EPHA5: variants seen among roughly 807,000 people sequenced by gnomAD.
The protein encoded by EPHA5 is EPH receptor A5.
A neutral mutation model predicts 105.0 loss-of-function variants in EPHA5; 60 were observed. That is an observed-to-expected ratio of 0.57 (90% CI 0.46 to 0.71). The LOEUF is 0.71. EPHA5 is among the 30% of genes least tolerant of loss of function. The probability of loss-of-function intolerance (pLI) is 0.00; values close to 1 mark genes in which losing one functional copy is unlikely to be tolerated. For synonymous variants in EPHA5, 513 were observed against 449.1 expected, an observed-to-expected ratio of 1.14 and a Z score of -1.80; for missense variants, 1,218 against 1,274.7, an observed-to-expected ratio of 0.96 and a Z score of 0.68.
intron 5 of EPHA5, among the ~76,000 whole-genome samples, chr4:65,487,939 T>C (rs1293198629): frequency 1.3e-5 from 2 of 152,200 alleles, no homozygotes; most frequent in African/African-American, 4.8e-5. Flanking sequence ...ATAATTTTTG[T>C]GTAAAATAAG....
chr4:65,321,244 A>T lies in EPHA5; in HGVS notation c.*2870T>A, dbSNP rs1719616842. On this transcript the variant is annotated 3_prime_UTR_variant, in exon 17 of 17. Transcript: ENST00000613740. Reference sequence around the variant, plus strand: ...ATTATTTGCCAAATCTGTTGTATATACTAAAATTGTCATGTCTGTGCTTTA... The same window carrying T: ...ATTATTTGCCAAATCTGTTGTATATTCTAAAATTGTCATGTCTGTGCTTTA... 4.3e-6 allele frequency: 1 copy of T among 230,404 alleles called. No homozygotes were observed. The highest frequency in any genetic ancestry group is 2.2e-5 in the African/African-American group (1 of 45,150). The allele number at this position is 230,404 out of a possible 1,614,324, so 14.3% of individuals were successfully genotyped here.
intron 5 of EPHA5, among the ~76,000 whole-genome samples, chr4:65,471,175 T>A (rs957513443): frequency 7.2e-5 from 11 of 152,202 alleles, no homozygotes; most frequent in African/African-American, 2.4e-4. Context: ...TACACTCCTT[T>A]AAATTTAATT....
intron 8 of EPHA5, among the ~76,000 whole-genome samples, chr4:65,385,776 C>T (rs2122719): frequency 0.51 from 77,464 of 151,498 alleles, 19,959 homozygotes; most frequent in Admixed American, 0.57. Context: ...ATAAAATATT[C>T]GTAATTGTGA....
intron 16 of EPHA5, chr4:65,330,780 T>C: frequency 9.7e-7 from 1 of 1,025,830 alleles, no homozygotes; most frequent in Non-Finnish European, 1.2e-6. Flanking sequence ...TCCTTGAGTG[T>C]CCAAAGAAAT....
At chr4:65,611,957 C>A (rs185702480) in intron 2 of EPHA5, among the ~76,000 whole-genome samples, 154 of 133,592 alleles carry the variant, frequency 1.2e-3, no homozygotes, top group African/African-American at 4.1e-3. Flanking sequence ...GCGGAGTCTG[C>A]AGTGAGCCGA....
In EPHA5 at chr4:65,602,410, C is replaced by T. The variant is rs181732015; in HGVS notation, c.247-106G>A. Reference sequence around the variant, plus strand: ...AAACTAACTGAGATATAGAAATATTCGTATCCTCAATATGTGATATTTACA... The same window carrying T: ...AAACTAACTGAGATATAGAAATATTTGTATCCTCAATATGTGATATTTACA... On this transcript the variant is annotated intron_variant, in intron 2 of 16. Coordinates refer to ENST00000613740, the MANE Select transcript of EPHA5 (RefSeq NM_001281766.3). 130 of 844,120 alleles carry T rather than the reference C, an allele frequency of 1.5e-4. No homozygotes were observed. The South Asian group carries it at 1.6e-3, about 10-fold the overall frequency. The allele number at this position is 844,120 out of a possible 1,614,324, so 52.3% of individuals were successfully genotyped here.
At chr4:65,456,321 G>A (rs1237034631) in intron 5 of EPHA5, among the ~76,000 whole-genome samples, 5 of 135,622 alleles carry the variant, frequency 3.7e-5, no homozygotes, top group Non-Finnish European at 6.7e-5. Flanking sequence ...TCTGTTCTTC[G>A]ATTTTTTTTT....
chr4:65,530,917 A>G (rs1199673817), intron 3 of EPHA5, among the ~76,000 whole-genome samples: 1 of 152,244 alleles, frequency 6.6e-6, no homozygotes, highest in South Asian at 2.1e-4. Flanking sequence ...AGAGAATTCA[A>G]TGAGATATAA....
intron 16 of EPHA5, among the ~76,000 whole-genome samples, chr4:65,329,473 A>G (rs1037114867): frequency 2.0e-5 from 3 of 151,298 alleles, no homozygotes. Context: ...TTTTTTCTAA[A>G]CCCACTATGA....
At chr4:65,330,604 G>A (rs148662993) in intron 16 of EPHA5, 33 of 500,448 alleles carry the variant, frequency 6.6e-5, no homozygotes, top group Non-Finnish European at 8.2e-5. Flanking sequence ...ATCTGACATT[G>A]GGTAGAAGAA....
intron 2 of EPHA5, among the ~76,000 whole-genome samples, chr4:65,638,289 G>T (rs1747334775): frequency 6.6e-6 from 1 of 151,992 alleles, no homozygotes; most frequent in Admixed American, 6.5e-5. Flanking sequence ...CTCCACAACT[G>T]GGGATAAAAA....
At chr4:65,363,255 A>T (rs1280109943) in intron 11 of EPHA5, among the ~76,000 whole-genome samples, 1 of 151,594 alleles carries the variant, frequency 6.6e-6, no homozygotes, top group Non-Finnish European at 1.5e-5. Context: ...TGCCTTGCCC[A>T]TTCTAAACCT....
intron 3 of EPHA5, among the ~76,000 whole-genome samples, chr4:65,574,655 C>CATATATATACACAT (rs1740643096): frequency 1.1e-5 from 1 of 89,308 alleles, no homozygotes. Context: ...TATATATACA[C>CATATATATACACAT]ATATATATAT....
chr4:65,615,207 G>T (rs1026473711), intron 2 of EPHA5, among the ~76,000 whole-genome samples: 31 of 151,714 alleles, frequency 2.0e-4, no homozygotes, highest in African/African-American at 6.8e-4. Flanking sequence ...AGTCTCAAAA[G>T]AAGGAGTAAG....
chr4:65,497,151 C>T (rs1732026442), intron 3 of EPHA5, among the ~76,000 whole-genome samples: 1 of 152,092 alleles, frequency 6.6e-6, no homozygotes, highest in South Asian at 2.1e-4. Flanking sequence ...TCAAAGCTCA[C>T]TACATATACT....
intron 8 of EPHA5, among the ~76,000 whole-genome samples, chr4:65,382,105 G>A (rs916945233): frequency 3.3e-5 from 5 of 151,456 alleles, no homozygotes; most frequent in South Asian, 2.1e-4. Flanking sequence ...TCTCCTGTGC[G>A]GCCATTCATC....
At chr4:65,486,331 T>C (rs1730879242) in intron 5 of EPHA5, among the ~76,000 whole-genome samples, 1 of 150,412 alleles carries the variant, frequency 6.6e-6, no homozygotes, top group African/African-American at 2.4e-5. Flanking sequence ...CTGGCCCTTC[T>C]TTGAGTCTTA....
chr4:65,495,172 G>A (rs948606580), intron 4 of EPHA5, among the ~76,000 whole-genome samples: 2 of 152,018 alleles, frequency 1.3e-5, no homozygotes, highest in Non-Finnish European at 2.9e-5. Flanking sequence ...TTGAAGTTAG[G>A]GAAAATGGAT....
At chr4:65,473,611 G>T (rs1439037931) in intron 5 of EPHA5, among the ~76,000 whole-genome samples, 1 of 152,070 alleles carries the variant, frequency 6.6e-6, no homozygotes, top group Non-Finnish European at 1.5e-5. Flanking sequence ...CAACATGGGG[G>T]AAACTGGCCC....
Sources: allele counts gnomAD v4.1 joint callset (sites outside exome capture counted in the v4.1 genomes callset), GRCh38; gene constraint gnomAD v4.1.1; transcripts MANE v1.5; gene names NCBI Gene and HGNC (gene_info 2026-07-23, HGNC 2026-07-21).